WASL: variants seen among roughly 807,000 people sequenced by gnomAD.
The protein encoded by WASL is actin nucleation-promoting factor WASL.
Under a neutral mutation model 55.5 loss-of-function variants are expected in WASL, and 20 were observed. The observed-to-expected ratio is 0.36, with a 90% CI of 0.25 to 0.52. The LOEUF is 0.52. Ranked by LOEUF, WASL falls within the 20% of genes least tolerant of loss-of-function variation. WASL has a pLI of 0.92. For synonymous variants in WASL, 249 were observed against 217.6 expected (o/e 1.14, Z -1.27); for missense variants, 504 against 622.5 (o/e 0.81, Z 2.03).
At chr7:123,719,960 A>G (rs1292882898) in intron 1 of WASL, among the ~76,000 whole-genome samples, 1 of 152,146 alleles carries the variant, frequency 6.6e-6, no homozygotes, top group African/African-American at 2.4e-5. Context: ...AGGAACCTTC[A>G]TTATACCAGT....
chr7:123,728,828 A>C (rs1804095017), intron 1 of WASL, among the ~76,000 whole-genome samples: 1 of 152,146 alleles, frequency 6.6e-6, no homozygotes, highest in African/African-American at 2.4e-5. Context: ...TCCATTATAC[A>C]TAACTGCTGT....
chr7:123,711,055 A>C (rs1416700337), intron 1 of WASL, among the ~76,000 whole-genome samples: 2 of 152,178 alleles, frequency 1.3e-5, no homozygotes, highest in African/African-American at 4.8e-5. Context: ...GCAATTAGGA[A>C]ACTAGATGTA....
intron 1 of WASL, among the ~76,000 whole-genome samples, chr7:123,713,173 G>A (rs1020283653): frequency 2.0e-5 from 3 of 152,018 alleles, no homozygotes; most frequent in African/African-American, 7.2e-5. Context: ...TTTGAGACAA[G>A]GTCTTGCTCT....
chr7:123,721,145 C>T (rs1803937022), intron 1 of WASL, among the ~76,000 whole-genome samples: 1 of 152,220 alleles, frequency 6.6e-6, no homozygotes, highest in Non-Finnish European at 1.5e-5. Context: ...CAAACTTACT[C>T]TTGCAGTCTT....
rs544614236 is a variant in WASL, at chr7:123,711,336, T to G, written c.118-2113A>C. On this transcript the variant is annotated intron_variant, in intron 1 of 10. Transcript: ENST00000223023. ...TTTTAACCTTTAGATAAACTTAAAT[T>G]CTTAAAACACTTGCTTAAGAAATAA... Among the ~76,000 whole-genome samples the G allele has an allele frequency of 2.0e-5, 3 of 152,140 alleles. No homozygotes were observed. In the South Asian group the frequency reaches 6.2e-4, roughly 32 times the overall value.
At chr7:123,728,464 G>A (rs1804087346) in intron 1 of WASL, among the ~76,000 whole-genome samples, 1 of 152,146 alleles carries the variant, frequency 6.6e-6, no homozygotes, top group South Asian at 2.1e-4. Flanking sequence ...CCCAACAACT[G>A]TCCATCTCTA....
At chr7:123,716,736 T>C (rs1162683653) in intron 1 of WASL, among the ~76,000 whole-genome samples, 1 of 152,122 alleles carries the variant, frequency 6.6e-6, no homozygotes, top group Non-Finnish European at 1.5e-5. Flanking sequence ...ACTACTCTTC[T>C]GTGGGAACAG....
At position 123,736,280 on chromosome 7, in the gene WASL, AG is replaced by A. The variant is rs999184709; in HGVS notation, c.117+12337del. 3.8e-4 allele frequency among the ~76,000 whole-genome samples: 56 copies of A among 149,328 alleles called. 1 individual carries two copies. Among genetic ancestry groups the A allele is most frequent in the African/African-American group, 1.4e-3 (56 of 41,460 alleles). ...GCATTACAAGAAACATTTTAAAAGA[AG>A]GAAAGAAAAAAATACTTCTCCTTCT... On this transcript the variant is annotated intron_variant, in intron 1 of 10. Transcript: ENST00000223023.
At chr7:123,734,009 C>G (rs938797450) in intron 1 of WASL, among the ~76,000 whole-genome samples, 10 of 150,602 alleles carry the variant, frequency 6.6e-5, no homozygotes, top group Admixed American at 2.0e-4. Context: ...ATGTCAATTG[C>G]AAAACTGTAA....
chr7:123,727,353 TCA>T lies in WASL; in HGVS notation c.118-18132_118-18131del, dbSNP rs150375537. 8.2e-3 allele frequency among the ~76,000 whole-genome samples: 1,207 copies of T among 147,738 alleles called. 6 individuals carry two copies. The highest frequency in any genetic ancestry group is 0.019 in the South Asian group (90 of 4,618). ...TGCCCAAAAGAAATAAAAATATGTG[TCA>T]CACACACACACACACACACACACAC... On this transcript the variant is annotated intron_variant, in intron 1 of 10. Transcript: ENST00000223023.
intron 10 of WASL, 36 bp downstream of exon 10, chr7:123,688,998 CTCTCTCTG>C (rs1268121327): frequency 2.1e-6 from 3 of 1,426,766 alleles, no homozygotes; most frequent in Non-Finnish European, 2.9e-6. Flanking sequence ...CACACGCACA[CTCTCTCTG>C]TCTCTCTCTC....
intron 2 of WASL, among the ~76,000 whole-genome samples, chr7:123,708,335 TTATC>T (rs1481206133): frequency 2.0e-5 from 3 of 152,194 alleles, no homozygotes; most frequent in Non-Finnish European, 4.4e-5. Flanking sequence ...CTCTTCACTG[TTATC>T]TATCAGGTCA....
At chr7:123,700,472 ACT>A (rs1356127449) in intron 5 of WASL, among the ~76,000 whole-genome samples, 3 of 149,534 alleles carry the variant, frequency 2.0e-5, no homozygotes, top group Non-Finnish European at 4.4e-5. Flanking sequence ...ATGGAGTCTC[ACT>A]CTCTCGCCCA....
chr7:123,695,992 C>A lies in WASL; in HGVS notation c.630-127G>T, dbSNP rs543920397. 2.0e-5 allele frequency: 15 copies of A among 760,608 alleles called. No individual in the cohort carries two copies. The South Asian group carries it at 2.6e-4, about 13-fold the overall frequency. The allele number at this position is 760,608 out of a possible 1,614,324, so 47.1% of individuals were successfully genotyped here. ...GGTCTGAACTAACAGTTCTCACAGA[C>A]ATAACCATATTGTGATAAAAACTAT... On this transcript the variant is annotated intron_variant, in intron 6 of 10. Coordinates refer to ENST00000223023, the MANE Select transcript of WASL (RefSeq NM_003941.4).
chr7:123,733,474 A>T lies in WASL; in HGVS notation c.117+15144T>A, dbSNP rs1015900021. Among the ~76,000 whole-genome samples the T allele has an allele frequency of 3.1e-4, 47 of 152,188 alleles. 1 individual carries two copies. Among genetic ancestry groups the T allele is most frequent in the Non-Finnish European group, 6.5e-4 (44 of 68,012 alleles). On this transcript the variant is annotated intron_variant, in intron 1 of 10. Coordinates refer to ENST00000223023, the MANE Select transcript of WASL (RefSeq NM_003941.4). ...AGATCTATATGACTACAAAATTTTG[A>T]TGAAAGAAATCAAAGATGACCTAAA...
In WASL at chr7:123,725,728, T is replaced by C. The variant is rs547599424; in HGVS notation, c.118-16505A>G. Among the ~76,000 whole-genome samples the C allele has an allele frequency of 2.6e-5, 4 of 152,202 alleles. No homozygotes were observed. In the East Asian group the frequency reaches 5.8e-4, roughly 22 times the overall value. On this transcript the variant is annotated intron_variant, in intron 1 of 10. Coordinates refer to ENST00000223023, the MANE Select transcript of WASL (RefSeq NM_003941.4). The stretch of plus-strand genomic sequence containing the variant: ...AGTAACTTGCCCGTTGTCACAGAGG[T>C]AGAAACTCAAAGAACAGGGTTATAA...
chr7:123,713,728 A>C (rs1803796198), intron 1 of WASL, among the ~76,000 whole-genome samples: 1 of 152,194 alleles, frequency 6.6e-6, no homozygotes, highest in African/African-American at 2.4e-5. Flanking sequence ...GAAATGACCT[A>C]TTATTACTCT....
chr7:123,735,289 G>A (rs143321854), intron 1 of WASL, among the ~76,000 whole-genome samples: 156 of 151,110 alleles, frequency 1.0e-3, no homozygotes, highest in African/African-American at 3.7e-3. Context: ...AAAAAAAATA[G>A]CTTCTTACCA....
At chr7:123,716,144 T>G (rs1476275953) in intron 1 of WASL, among the ~76,000 whole-genome samples, 2 of 152,172 alleles carry the variant, frequency 1.3e-5, no homozygotes, top group Admixed American at 1.3e-4. Flanking sequence ...AATTTGGGTC[T>G]GGATTTTCAG....
Sources: allele counts gnomAD v4.1 joint callset (sites outside exome capture counted in the v4.1 genomes callset), GRCh38; gene constraint gnomAD v4.1.1; transcripts MANE v1.5; gene names NCBI Gene and HGNC (gene_info 2026-07-23, HGNC 2026-07-21).